The following FILIP1L variants were observed in gnomAD, a reference collection of about 807,000 sequenced individuals.
FILIP1L encodes filamin A-interacting protein 1-like.
A neutral mutation model predicts 96.6 loss-of-function variants in FILIP1L; 55 were observed. That is an observed-to-expected ratio of 0.57 (90% CI 0.46 to 0.71). FILIP1L has a LOEUF of 0.71. FILIP1L is among the 30% of genes least tolerant of loss of function. The pLI is 0.00. For synonymous variants in FILIP1L, 467 were observed against 473.9 expected (o/e 0.99, Z 0.19); for missense variants, 1,304 against 1,321.2 (o/e 0.99, Z 0.20).
chr3:99,881,391 A>G (rs573331760), intron 4 of FILIP1L, among the ~76,000 whole-genome samples: 163 of 152,182 alleles, frequency 1.1e-3, no homozygotes, highest in Non-Finnish European at 1.2e-3. Flanking sequence ...GTGAAAAAAA[A>G]CCCCCAAATC....
chr3:99,934,319 A>G (rs1707587861), intron 1 of FILIP1L, among the ~76,000 whole-genome samples: 2 of 152,256 alleles, frequency 1.3e-5, no homozygotes, highest in Admixed American at 6.5e-5. Flanking sequence ...CCACACCCAC[A>G]GATTCAGATT....
chr3:100,094,131 A>G (rs1214925249), intron 1 of FILIP1L, among the ~76,000 whole-genome samples: 1 of 152,134 alleles, frequency 6.6e-6, no homozygotes, highest in Non-Finnish European at 1.5e-5. Flanking sequence ...ATTCTGATAG[A>G]TGTGTAGTGA....
intron 1 of FILIP1L, among the ~76,000 whole-genome samples, chr3:100,093,438 A>C (rs1471812559): frequency 6.6e-6 from 1 of 152,128 alleles, no homozygotes; most frequent in Non-Finnish European, 1.5e-5. Flanking sequence ...CTTACAAAAA[A>C]TATATACTTT....
chr3:99,922,376 A>C (rs151110743), intron 4 of FILIP1L, among the ~76,000 whole-genome samples: 1 of 152,116 alleles, frequency 6.6e-6, no homozygotes, highest in East Asian at 1.9e-4. Context: ...TGCTCCTTTA[A>C]TCTGTCCCTG....
intron 1 of FILIP1L, among the ~76,000 whole-genome samples, chr3:100,060,791 C>T (rs557010332): frequency 3.1e-4 from 47 of 152,128 alleles, no homozygotes; most frequent in African/African-American, 8.9e-4. Flanking sequence ...GCGTGGGAGG[C>T]GGAGGTTGCA....
chr3:99,924,815 C>T (rs1707239376), intron 3 of FILIP1L, among the ~76,000 whole-genome samples: 1 of 152,146 alleles, frequency 6.6e-6, no homozygotes, highest in Admixed American at 6.5e-5. Flanking sequence ...AGCCACGGCG[C>T]CCGGCCAGCA....
rs1707654712 is a variant in FILIP1L, at chr3:99,936,040, A to G, written c.-10-5010T>C. ...TCTTTATTAATGTTGTATATTAAAA[A>G]TTACTCTACATAGTTAGGTGCTACT... On this transcript the variant is annotated intron_variant, in intron 1 of 5. Coordinates refer to ENST00000477258, the MANE Select transcript of FILIP1L (RefSeq NM_001387850.1). 2.0e-5 allele frequency among the ~76,000 whole-genome samples: 3 copies of G among 152,180 alleles called. No homozygotes were observed. The South Asian group carries it at 6.2e-4, about 32-fold the overall frequency.
Position 99,924,178 on chromosome 3 carries a change from G to A in FILIP1L, c.605+52C>T, listed in dbSNP as rs1576575886. On this transcript the variant is annotated intron_variant, in intron 4 of 5. Transcript: ENST00000477258. ...TTGTATCCCTGAGACCTGGTACAGTGGCCAGCTCATAGATTGCAGAATGGG... is the reference window on the plus strand; with the variant it reads ...TTGTATCCCTGAGACCTGGTACAGTAGCCAGCTCATAGATTGCAGAATGGG... The A allele has an allele frequency of 9.6e-6, 14 of 1,461,940 alleles. No individual in the cohort carries two copies. The East Asian group carries it at 3.0e-4, about 31-fold the overall frequency. 90.6% of individuals were successfully genotyped at this position (1,461,940 alleles called of 1,614,324 possible).
chr3:99,902,014 A>G (rs1706454334), intron 4 of FILIP1L, among the ~76,000 whole-genome samples: 1 of 152,208 alleles, frequency 6.6e-6, no homozygotes, highest in African/African-American at 2.4e-5. Context: ...ATAATCTGCC[A>G]GTAATATATG....
chr3:100,059,913 G>GCCT (rs763251746), intron 1 of FILIP1L, among the ~76,000 whole-genome samples: 4 of 152,150 alleles, frequency 2.6e-5, no homozygotes, highest in Non-Finnish European at 5.9e-5. Flanking sequence ...CAACCTATGA[G>GCCT]CCTCCAGTCT....
chr3:100,034,329 G>A (rs945371562), intron 1 of FILIP1L, among the ~76,000 whole-genome samples: 7 of 152,198 alleles, frequency 4.6e-5, no homozygotes, highest in African/African-American at 1.4e-4. Context: ...CATGGCAGCA[G>A]TAAGAAGTTA....
intron 1 of FILIP1L, among the ~76,000 whole-genome samples, chr3:100,062,390 T>C (rs6794130): frequency 0.012 from 1,839 of 152,142 alleles, 24 homozygotes; most frequent in African/African-American, 0.027. Flanking sequence ...GGATTACAGG[T>C]GTGAGCCACC....
chr3:100,000,445 T>TA (rs1709809675), intron 1 of FILIP1L, among the ~76,000 whole-genome samples: 1 of 152,172 alleles, frequency 6.6e-6, no homozygotes, highest in Non-Finnish European at 1.5e-5. Context: ...GATCTAGTAA[T>TA]ATGTGTGACT....
intron 4 of FILIP1L, among the ~76,000 whole-genome samples, chr3:99,851,582 C>G (rs1943699078): frequency 1.3e-5 from 2 of 152,216 alleles, no homozygotes; most frequent in South Asian, 4.1e-4. Flanking sequence ...CTAAGATTCT[C>G]ATTGTCCTGG....
intron 1 of FILIP1L, among the ~76,000 whole-genome samples, chr3:100,022,044 A>G (rs1411559232): frequency 1.3e-5 from 2 of 151,842 alleles, no homozygotes; most frequent in Non-Finnish European, 2.9e-5. Context: ...TCCTTTTTCC[A>G]TAAAGCATTT....
chr3:100,032,632 T>C (rs946348662), intron 1 of FILIP1L, among the ~76,000 whole-genome samples: 2 of 152,172 alleles, frequency 1.3e-5, no homozygotes, highest in African/African-American at 4.8e-5. Context: ...AAAGGCTATA[T>C]TGACGAACTT....
At chr3:100,059,251 C>T (rs2065518181) in intron 1 of FILIP1L, among the ~76,000 whole-genome samples, 2 of 152,178 alleles carry the variant, frequency 1.3e-5, no homozygotes, top group South Asian at 4.1e-4. Context: ...AATACAATGC[C>T]TCTTAATTTT....
At chr3:99,999,459 A>C (rs1391550195) in intron 1 of FILIP1L, among the ~76,000 whole-genome samples, 1 of 152,214 alleles carries the variant, frequency 6.6e-6, no homozygotes, top group Non-Finnish European at 1.5e-5. Context: ...ACTGCCTAAA[A>C]TTGTTTAGTA....
intron 4 of FILIP1L, among the ~76,000 whole-genome samples, chr3:99,919,018 A>G (rs1707042713): frequency 6.6e-6 from 1 of 152,226 alleles, no homozygotes; most frequent in South Asian, 2.1e-4. Context: ...GTGTGTATGA[A>G]ATTTAAAACT....
Sources: allele counts gnomAD v4.1 joint callset (sites outside exome capture counted in the v4.1 genomes callset), GRCh38; gene constraint gnomAD v4.1.1; transcripts MANE v1.5; gene names NCBI Gene and HGNC (gene_info 2026-07-23, HGNC 2026-07-21).